TRIM2: variants seen among roughly 807,000 people sequenced by gnomAD.
TRIM2 encodes tripartite motif containing 2.
TRIM2 carries 20 observed loss-of-function variants against 75.2 expected under a neutral mutation model. The ratio of observed to expected loss-of-function variants is 0.27; its 90% CI spans 0.19 to 0.39. The LOEUF (loss-of-function observed/expected upper bound fraction) is 0.39. TRIM2 is among the 10% of genes least tolerant of loss of function. The probability of loss-of-function intolerance (pLI) is 1.00; values close to 1 mark genes in which losing one functional copy is unlikely to be tolerated. For synonymous variants in TRIM2, 373 were observed against 388.3 expected, an observed-to-expected ratio of 0.96 and a Z score of 0.46; for missense variants, 660 against 990.8, an observed-to-expected ratio of 0.67 and a Z score of 4.48.
At chr4:153,276,426 T>G (rs1579260182) in intron 3 of TRIM2, among the ~76,000 whole-genome samples, 2 of 152,124 alleles carry the variant, frequency 1.3e-5, no homozygotes, top group East Asian at 3.8e-4. Context: ...AATAAATTTA[T>G]GGATACGGAT....
chr4:153,329,368 C>T (rs1477371960), intron 11 of TRIM2, among the ~76,000 whole-genome samples: 2 of 151,748 alleles, frequency 1.3e-5, no homozygotes, highest in African/African-American at 2.4e-5. Flanking sequence ...AATGAAAATG[C>T]AAATAGAACG....
At chr4:153,176,846 G>A (rs1731486356) in intron 1 of TRIM2, among the ~76,000 whole-genome samples, 1 of 152,100 alleles carries the variant, frequency 6.6e-6, no homozygotes, top group Admixed American at 6.5e-5. Flanking sequence ...CCTGACCTCA[G>A]GAGATCCACC....
intron 1 of TRIM2, among the ~76,000 whole-genome samples, chr4:153,241,681 G>A (rs766801615): frequency 1.3e-5 from 2 of 152,152 alleles, no homozygotes; most frequent in Non-Finnish European, 2.9e-5. Flanking sequence ...AGAGCGCCTC[G>A]TTGCTCATGA....
chr4:153,213,671 G>T (rs995678000), intron 1 of TRIM2, among the ~76,000 whole-genome samples: 1 of 152,148 alleles, frequency 6.6e-6, no homozygotes, highest in African/African-American at 2.4e-5. Flanking sequence ...GGGATTACAG[G>T]TGCATGCCAC....
At chr4:153,229,000 G>A (rs1742901710) in intron 1 of TRIM2, among the ~76,000 whole-genome samples, 1 of 152,132 alleles carries the variant, frequency 6.6e-6, no homozygotes, top group Admixed American at 6.5e-5. Flanking sequence ...AAAAGATCTG[G>A]GAGCCTGGAA....
chr4:153,221,808 A>AAGGG (rs147852477), intron 1 of TRIM2, among the ~76,000 whole-genome samples: 62,727 of 98,768 alleles, frequency 0.64, 21,048 homozygotes, highest in East Asian at 0.83. Flanking sequence ...GCGAGGAAGG[A>AAGGG]AGGGAGGGAG....
At chr4:153,171,546 A>G (rs1730849920) in intron 1 of TRIM2, among the ~76,000 whole-genome samples, 1 of 152,174 alleles carries the variant, frequency 6.6e-6, no homozygotes, top group African/African-American at 2.4e-5. Context: ...AGATCACATA[A>G]TTTCACTCTA....
intron 1 of TRIM2, chr4:153,257,635 A>G: frequency 7.9e-7 from 1 of 1,262,430 alleles, no homozygotes; most frequent in South Asian, 1.2e-5. Flanking sequence ...GTCTCTTTGC[A>G]TGGTGCTTCC....
chr4:153,309,276 G>A (rs1765710037), intron 6 of TRIM2, among the ~76,000 whole-genome samples: 1 of 152,086 alleles, frequency 6.6e-6, no homozygotes, highest in South Asian at 2.1e-4. Context: ...AAAGGATCAG[G>A]AGAACCAGGT....
chr4:153,286,180 A>C (rs938213239), intron 3 of TRIM2, among the ~76,000 whole-genome samples: 1 of 152,208 alleles, frequency 6.6e-6, no homozygotes, highest in African/African-American at 2.4e-5. Context: ...GATAAATCCC[A>C]CCTGCTCATG....
chr4:153,245,251 T>C (rs953267306), intron 1 of TRIM2, among the ~76,000 whole-genome samples: 1 of 152,286 alleles, frequency 6.6e-6, no homozygotes, highest in South Asian at 2.1e-4. Context: ...TCTTGGCTTA[T>C]GCACAAGTAA....
At chr4:153,249,335 G>C (rs181116027) in intron 1 of TRIM2, among the ~76,000 whole-genome samples, 185 of 152,226 alleles carry the variant, frequency 1.2e-3, no homozygotes, top group African/African-American at 4.2e-3. Context: ...CCCGGGCCCC[G>C]GCAGAGCCTG....
intron 1 of TRIM2, among the ~76,000 whole-genome samples, chr4:153,224,229 A>G (rs1291113091): frequency 6.6e-6 from 1 of 152,226 alleles, no homozygotes; most frequent in Non-Finnish European, 1.5e-5. Context: ...GTACTTGATT[A>G]AATTCTTTGT....
At chr4:153,252,064 C>A (rs1187024434) in intron 1 of TRIM2, among the ~76,000 whole-genome samples, 1 of 152,152 alleles carries the variant, frequency 6.6e-6, no homozygotes, top group Non-Finnish European at 1.5e-5. Flanking sequence ...GAACTTATTC[C>A]TTCTATCTAA....
chr4:153,312,501 A>T (rs949062783), intron 6 of TRIM2, among the ~76,000 whole-genome samples: 6 of 152,092 alleles, frequency 3.9e-5, no homozygotes, highest in African/African-American at 9.7e-5. Context: ...TCAAAACCAC[A>T]ATGAGATACC....
intron 10 of TRIM2, among the ~76,000 whole-genome samples, chr4:153,327,263 T>C (rs1770451611): frequency 6.6e-6 from 1 of 152,224 alleles, no homozygotes; most frequent in Non-Finnish European, 1.5e-5. Flanking sequence ...GAAGTAGCCA[T>C]GACTCTTTCT....
Position 153,339,158 on chromosome 4 carries a change from A to G in TRIM2, c.*4192A>G. 1 of 985,870 alleles carries G rather than the reference A, an allele frequency of 1.0e-6. No homozygotes were observed. Among genetic ancestry groups the G allele is most frequent in the Non-Finnish European group, 1.2e-6 (1 of 829,918 alleles). 61.1% of individuals were successfully genotyped at this position (985,870 alleles called of 1,614,324 possible). On this transcript the variant is annotated 3_prime_UTR_variant, in exon 12 of 12. Coordinates refer to ENST00000338700, the MANE Select transcript of TRIM2 (RefSeq NM_015271.5). ...GAACGCTGTGCATCAAAGTGTTTGT[A>G]TGTTCGTAGCTACATACGTACCACA...
chr4:153,294,803 C>T (rs1762456599), intron 5 of TRIM2, among the ~76,000 whole-genome samples: 1 of 152,184 alleles, frequency 6.6e-6, no homozygotes, highest in Non-Finnish European at 1.5e-5. Flanking sequence ...TGCTCTCTCA[C>T]CCACACCAAC....
chr4:153,179,177 A>G (rs1731784673), intron 1 of TRIM2, among the ~76,000 whole-genome samples: 1 of 152,060 alleles, frequency 6.6e-6, no homozygotes, highest in Non-Finnish European at 1.5e-5. Flanking sequence ...AATATCAAAT[A>G]TTAACAGTAA....
Sources: allele counts gnomAD v4.1 joint callset (sites outside exome capture counted in the v4.1 genomes callset), GRCh38; gene constraint gnomAD v4.1.1; transcripts MANE v1.5; gene names NCBI Gene and HGNC (gene_info 2026-07-23, HGNC 2026-07-21).